The following EBF3 variants were observed in gnomAD, a reference collection of about 807,000 sequenced individuals.
The protein encoded by EBF3 is EBF transcription factor 3, also known as transcription factor COE3.
Under a neutral mutation model 77.1 loss-of-function variants are expected in EBF3, and 18 were observed. The observed-to-expected ratio is 0.23, with a 90% CI of 0.16 to 0.35. EBF3 has a LOEUF of 0.35. Ranked by LOEUF, EBF3 falls within the 10% of genes least tolerant of loss-of-function variation. The probability of loss-of-function intolerance (pLI) is 1.00; values close to 1 mark genes in which losing one functional copy is unlikely to be tolerated. For missense variants in EBF3, 558 were observed against 860.0 expected (o/e 0.65, Z 4.39); for synonymous variants, 350 against 343.5 (o/e 1.02, Z -0.21).
At chr10:129,950,945 C>T (rs1386669653) in intron 6 of EBF3, among the ~76,000 whole-genome samples, 1 of 152,220 alleles carries the variant, frequency 6.6e-6, no homozygotes, top group African/African-American at 2.4e-5. Context: ...TTCCTGTCTG[C>T]AATGACAATT....
At chr10:129,840,177 C>CCCCCCCCCA in intron 15 of EBF3, 68 bp downstream of exon 15, 1 of 1,425,918 alleles carries the variant, frequency 7.0e-7, no homozygotes, top group Non-Finnish European at 9.5e-7. Flanking sequence ...GCCGAGCCCC[C>CCCCCCCCCA]ACCCCCACTC....
intron 6 of EBF3, among the ~76,000 whole-genome samples, chr10:129,909,347 G>A (rs908151765): frequency 8.5e-5 from 13 of 152,230 alleles, no homozygotes; most frequent in African/African-American, 2.4e-4. Context: ...CTTCCTGGAC[G>A]CCCTTCCTGT....
intron 6 of EBF3, among the ~76,000 whole-genome samples, chr10:129,939,796 C>G (rs912679944): frequency 9.2e-5 from 14 of 152,220 alleles, no homozygotes; most frequent in African/African-American, 3.4e-4. Flanking sequence ...TACCGGACTT[C>G]GTCTTAAGTT....
At chr10:129,898,573 A>G (rs552310622) in intron 6 of EBF3, among the ~76,000 whole-genome samples, 61 of 152,328 alleles carry the variant, frequency 4.0e-4, no homozygotes, top group African/African-American at 1.4e-3. Context: ...GCCCCACTCC[A>G]GTCATTAACC....
chr10:129,932,472 G>A (rs1346337458), intron 6 of EBF3, among the ~76,000 whole-genome samples: 2 of 152,220 alleles, frequency 1.3e-5, no homozygotes, highest in Non-Finnish European at 2.9e-5. Flanking sequence ...GGTGAAAGGA[G>A]TGCTCTCAAA....
chr10:129,843,182 C>A lies in EBF3; in HGVS notation c.1149G>T (p.Ala383=). ...CGTATAAGGCTTCCACCAGGTCCGC[C>A]GCCCGCTTCAGTAACACCTCCTAAA... ...RLPKEVLLKR[A]ADLVEALYGM... is the part of the protein sequence containing the mutation. The change falls in exon 12 of 17, where the codon GCG becomes GCT. Residue 383 remains alanine (A), a synonymous_variant. Transcript: ENST00000440978. 1 of 1,613,196 alleles carries A rather than the reference C, an allele frequency of 6.2e-7. No homozygotes were observed. The highest frequency in any genetic ancestry group is 8.5e-7 in the Non-Finnish European group (1 of 1,179,628).
intron 6 of EBF3, among the ~76,000 whole-genome samples, chr10:129,942,666 C>A (rs1439874020): frequency 1.3e-5 from 2 of 152,234 alleles, no homozygotes; most frequent in African/African-American, 4.8e-5. Flanking sequence ...CTCTTTTACG[C>A]ATGCCACGAT....
intron 6 of EBF3, among the ~76,000 whole-genome samples, chr10:129,909,775 C>A (rs1001793667): frequency 2.6e-5 from 4 of 152,212 alleles, no homozygotes; most frequent in African/African-American, 9.7e-5. Flanking sequence ...CCCTGGGGTC[C>A]CCCCAGAACA....
chr10:129,867,488 C>T (rs1251452792), intron 9 of EBF3, among the ~76,000 whole-genome samples: 2 of 152,210 alleles, frequency 1.3e-5, no homozygotes, highest in South Asian at 4.1e-4. Flanking sequence ...CACAGGGCAT[C>T]ATTCATATGA....
intron 6 of EBF3, among the ~76,000 whole-genome samples, chr10:129,896,914 G>A (rs1854433797): frequency 6.6e-6 from 1 of 152,158 alleles, no homozygotes; most frequent in Non-Finnish European, 1.5e-5. Flanking sequence ...GCCACCCCAG[G>A]CCTCCTCTTT....
At position 129,947,105 on chromosome 10, in the gene EBF3, CAGGGGACG is replaced by C. The variant is rs1858284988; in HGVS notation, c.554+10145_554+10152del. 6.6e-6 allele frequency among the ~76,000 whole-genome samples: 1 copy of C among 152,202 alleles called. No homozygotes were observed. Among genetic ancestry groups the C allele is most frequent in the African/African-American group, 2.4e-5 (1 of 41,454 alleles). ...TTTCCTGACCCAATCTTCCTCGTGT[CAGGGGACG>C]AGCCGCTTCATTGAGAAAATGGAAA... On this transcript the variant is annotated intron_variant, in intron 6 of 16. Coordinates refer to ENST00000440978, the MANE Select transcript of EBF3 (RefSeq NM_001375380.1). The surrounding 1 kb of genome is among the most constrained non-coding windows in gnomAD (Gnocchi z 4.5).
chr10:129,932,105 G>A (rs1006284942), intron 6 of EBF3, among the ~76,000 whole-genome samples: 4 of 152,194 alleles, frequency 2.6e-5, no homozygotes, highest in Non-Finnish European at 5.9e-5. Flanking sequence ...AGGACAAAGC[G>A]GGCCACTCTG....
At chr10:129,915,460 A>ATG (rs1342499206) in intron 6 of EBF3, among the ~76,000 whole-genome samples, 4 of 122,604 alleles carry the variant, frequency 3.3e-5, no homozygotes, top group Non-Finnish European at 4.9e-5. Context: ...GCGCGCACAC[A>ATG]TGCACACACA....
At position 129,947,465 on chromosome 10, in the gene EBF3, T is replaced by C. The variant is rs1858312952; in HGVS notation, c.554+9793A>G. 6.6e-6 allele frequency among the ~76,000 whole-genome samples: 1 copy of C among 152,198 alleles called. No homozygotes were observed. Among genetic ancestry groups the C allele is most frequent in the African/African-American group, 2.4e-5 (1 of 41,436 alleles). On this transcript the variant is annotated intron_variant, in intron 6 of 16. Coordinates refer to ENST00000440978, the MANE Select transcript of EBF3 (RefSeq NM_001375380.1). This position sits in a 1 kb window ranked among gnomAD's most constrained non-coding sequence, Gnocchi z 4.5. ...CAAAAAAGCCAACAACTGCACTGAA[T>C]GCTGAATTCATTCTGTTCTTATGCC...
chr10:129,888,301 C>T (rs965033520), intron 6 of EBF3, among the ~76,000 whole-genome samples: 20 of 152,202 alleles, frequency 1.3e-4, no homozygotes, highest in African/African-American at 4.8e-4. Flanking sequence ...GTCCTTAGAT[C>T]CAAACTGGCG....
chr10:129,914,270 A>G (rs1297428185), intron 6 of EBF3, among the ~76,000 whole-genome samples: 1 of 152,104 alleles, frequency 6.6e-6, no homozygotes, highest in African/African-American at 2.4e-5. Flanking sequence ...CACATTTCAG[A>G]CAAAGAGCAT....
At chr10:129,959,505 G>A (rs117005592) in intron 4 of EBF3, among the ~76,000 whole-genome samples, 3,639 of 152,124 alleles carry the variant, frequency 0.024, 62 homozygotes, top group Non-Finnish European at 0.031. Context: ...GGATGGTCGC[G>A]GCGCAGGAGC....
At position 129,938,230 on chromosome 10, in the gene EBF3, T is replaced by C. The variant is rs1445626969; in HGVS notation, c.554+19028A>G. 6.6e-6 allele frequency among the ~76,000 whole-genome samples: 1 copy of C among 151,942 alleles called. No individual in the cohort carries two copies. Among genetic ancestry groups the C allele is most frequent in the Non-Finnish European group, 1.5e-5 (1 of 68,000 alleles). On this transcript the variant is annotated intron_variant, in intron 6 of 16. Transcript: ENST00000440978. This position sits in a 1 kb window ranked among gnomAD's most constrained non-coding sequence, Gnocchi z 5.1. ...GACTGCTCTGTTCTAGAACGGAAAT[T>C]AGTGGGTTTTTTTAAAGTTCATGGC...
chr10:129,926,018 A>G (rs1324446407), intron 6 of EBF3, among the ~76,000 whole-genome samples: 1 of 152,194 alleles, frequency 6.6e-6, no homozygotes, highest in Non-Finnish European at 1.5e-5. Flanking sequence ...CAAGAAACAC[A>G]AAGTGGGCAA....
Sources: allele counts gnomAD v4.1 joint callset (sites outside exome capture counted in the v4.1 genomes callset), GRCh38; gene constraint gnomAD v4.1.1; non-coding constraint Gnocchi (gnomAD v3.1); transcripts MANE v1.5; gene names NCBI Gene and HGNC (gene_info 2026-07-23, HGNC 2026-07-21).